The following FAT3 variants were observed in gnomAD, a reference collection of about 807,000 sequenced individuals.
The protein encoded by FAT3 is protocadherin Fat 3.
FAT3 carries 95 observed loss-of-function variants against 310.2 expected under a neutral mutation model. That is an observed-to-expected ratio of 0.31 (90% CI 0.26 to 0.36). The LOEUF is 0.36. FAT3 is among the 10% of genes least tolerant of loss of function. FAT3 has a pLI of 1.00. For synonymous variants in FAT3, 2,314 were observed against 2,192.9 expected, an observed-to-expected ratio of 1.06 and a Z score of -1.54; for missense variants, 5,408 against 5,715.6, an observed-to-expected ratio of 0.95 and a Z score of 1.74.
At position 92,895,240 on chromosome 11, in the gene FAT3, G is replaced by A. The variant is rs1034967053; in HGVS notation, c.*4127G>A. The A allele has an allele frequency of 2.1e-4, 32 of 152,234 alleles. No individual in the cohort carries two copies. Among genetic ancestry groups the A allele is most frequent in the African/African-American group, 7.2e-4 (30 of 41,458 alleles). The allele number at this position is 152,234 out of a possible 1,614,324, so 9.4% of individuals were successfully genotyped here. On this transcript the variant is annotated 3_prime_UTR_variant, in exon 28 of 28. Transcript: ENST00000525166. ...CTTGTCATCATTTTGTGTGCTCTGT[G>A]AGAAGGTGGTTATATGTTTTTGCTG...
intron 2 of FAT3, among the ~76,000 whole-genome samples, chr11:92,505,303 T>C (rs1953065995): frequency 6.6e-6 from 1 of 152,184 alleles, no homozygotes; most frequent in Non-Finnish European, 1.5e-5. Flanking sequence ...TGGTTCTGAC[T>C]GATGCTGCTT....
chr11:92,397,768 T>G (rs1949908506), intron 2 of FAT3, among the ~76,000 whole-genome samples: 1 of 152,016 alleles, frequency 6.6e-6, no homozygotes, highest in Admixed American at 6.6e-5. Flanking sequence ...TTTTTTTTTT[T>G]TTTGCCTGCC....
chr11:92,588,140 T>C (rs1446212131), intron 3 of FAT3, among the ~76,000 whole-genome samples: 2 of 152,024 alleles, frequency 1.3e-5, no homozygotes. Context: ...CCAATAAGTT[T>C]ATGCTGTAGA....
chr11:92,602,439 T>C lies in FAT3; in HGVS notation c.3607+77491T>C, dbSNP rs56399302. 8.6e-3 allele frequency among the ~76,000 whole-genome samples: 1,310 copies of C among 152,260 alleles called. 16 individuals carry two copies. The highest frequency in any genetic ancestry group is 0.03 in the African/African-American group (1,264 of 41,536). On this transcript the variant is annotated intron_variant, in intron 3 of 27. Coordinates refer to ENST00000525166, the MANE Select transcript of FAT3 (RefSeq NM_001367949.2). ...ATTTTTACATCTATTTTTGTCCCAATTTTGCTGATGGGGAGACAGGAACAG... is the reference window on the plus strand; with the variant it reads ...ATTTTTACATCTATTTTTGTCCCAACTTTGCTGATGGGGAGACAGGAACAG...
chr11:92,795,454 A>C (rs150892983), intron 9 of FAT3, among the ~76,000 whole-genome samples: 74 of 152,186 alleles, frequency 4.9e-4, no homozygotes, highest in African/African-American at 1.7e-3. Context: ...TCAGGATTCA[A>C]GTGTAGCAGG....
At chr11:92,716,434 T>G (rs1944690563) in intron 4 of FAT3, among the ~76,000 whole-genome samples, 1 of 152,120 alleles carries the variant, frequency 6.6e-6, no homozygotes, top group Admixed American at 6.5e-5. Flanking sequence ...ACTCTTGACT[T>G]GTGCTTTGAG....
chr11:92,434,594 G>T, intron 2 of FAT3, among the ~76,000 whole-genome samples: 1 of 152,242 alleles, frequency 6.6e-6, no homozygotes, highest in South Asian at 2.1e-4. Flanking sequence ...TGCTGGTTCA[G>T]TGTTGGTTCT....
intron 1 of FAT3, among the ~76,000 whole-genome samples, chr11:92,319,855 A>T (rs1947561545): frequency 6.6e-6 from 1 of 152,192 alleles, no homozygotes; most frequent in African/African-American, 2.4e-5. Flanking sequence ...TTCAAACTGT[A>T]TTCAGTGAAA....
intron 2 of FAT3, among the ~76,000 whole-genome samples, chr11:92,522,477 C>T (rs1273133420): frequency 2.0e-5 from 3 of 152,080 alleles, no homozygotes; most frequent in African/African-American, 7.2e-5. Context: ...GGTTAAAAAA[C>T]AGAGTAGCTT....
intron 3 of FAT3, among the ~76,000 whole-genome samples, chr11:92,591,637 G>T (rs570985726): frequency 6.0e-4 from 92 of 152,184 alleles, no homozygotes; most frequent in South Asian, 3.1e-3. Flanking sequence ...CAGAGACTAG[G>T]AGGAATACCA....
intron 3 of FAT3, among the ~76,000 whole-genome samples, chr11:92,577,472 A>T (rs1473101789): frequency 1.3e-5 from 2 of 152,104 alleles, no homozygotes; most frequent in Admixed American, 6.6e-5. Context: ...TATGGGGTAC[A>T]ATATGATGTT....
chr11:92,438,927 C>T (rs1472996475), intron 2 of FAT3, among the ~76,000 whole-genome samples: 5 of 152,182 alleles, frequency 3.3e-5, no homozygotes, highest in African/African-American at 1.2e-4. Flanking sequence ...TTTGGCTACA[C>T]CACCAGATCC....
At chr11:92,607,908 C>T (rs1325198025) in intron 3 of FAT3, among the ~76,000 whole-genome samples, 1 of 152,100 alleles carries the variant, frequency 6.6e-6, no homozygotes, top group African/African-American at 2.4e-5. Flanking sequence ...TTTCCTTTGT[C>T]CCGATAAGAC....
intron 1 of FAT3, among the ~76,000 whole-genome samples, chr11:92,315,079 T>G (rs542236306): frequency 8.5e-4 from 129 of 151,768 alleles, no homozygotes; most frequent in Admixed American, 3.0e-3. Context: ...TAAGAAACAT[T>G]GATACTGAAA....
chr11:92,567,935 A>G (rs1268336068), intron 3 of FAT3, among the ~76,000 whole-genome samples: 1 of 151,914 alleles, frequency 6.6e-6, no homozygotes, highest in Non-Finnish European at 1.5e-5. Context: ...AGATACACCT[A>G]ATGCTAGATG....
intron 3 of FAT3, among the ~76,000 whole-genome samples, chr11:92,598,230 A>ATATTTTT (rs756896313): frequency 1.2e-3 from 161 of 134,424 alleles, no homozygotes; most frequent in African/African-American, 4.3e-3. Context: ...ATATATATAT[A>ATATTTTT]TTTTTTTTTT....
intron 3 of FAT3, among the ~76,000 whole-genome samples, chr11:92,629,074 A>C (rs1941448737): frequency 6.6e-6 from 1 of 152,244 alleles, no homozygotes; most frequent in South Asian, 2.1e-4. Flanking sequence ...TGACAAGAGA[A>C]AGAAGGAAGT....
At chr11:92,301,449 C>T (rs546706617) in intron 1 of FAT3, among the ~76,000 whole-genome samples, 3 of 152,178 alleles carry the variant, frequency 2.0e-5, no homozygotes, top group South Asian at 4.1e-4. Context: ...CTGCCCCTTC[C>T]GTTAGGAGGG....
intron 2 of FAT3, among the ~76,000 whole-genome samples, chr11:92,455,509 A>G (rs1951472934): frequency 1.3e-5 from 2 of 152,202 alleles, no homozygotes; most frequent in African/African-American, 4.8e-5. Context: ...TGGGCAATCA[A>G]ACTGAGCAGA....
Sources: allele counts gnomAD v4.1 joint callset (sites outside exome capture counted in the v4.1 genomes callset), GRCh38; gene constraint gnomAD v4.1.1; transcripts MANE v1.5; gene names NCBI Gene and HGNC (gene_info 2026-07-23, HGNC 2026-07-21).